Variants in PLAAT3 observed in about 807,000 individuals in gnomAD.
PLAAT3 encodes Ca-independent phospholipase A1/2.
PLAAT3 carries 21 observed loss-of-function variants against 16.7 expected under a neutral mutation model. The observed-to-expected ratio is 1.26, with a 90% confidence interval of 0.89 to 1.81. PLAAT3 has a LOEUF of 1.81. Ranked by LOEUF, PLAAT3 falls within the 40% of genes most tolerant of loss-of-function variation. The probability of loss-of-function intolerance (pLI) is 0.00; values close to 1 mark genes in which losing one functional copy is unlikely to be tolerated. For synonymous variants in PLAAT3, 76 were observed against 81.7 expected, an observed-to-expected ratio of 0.93 and a Z score of 0.38; for missense variants, 219 against 213.7, an observed-to-expected ratio of 1.02 and a Z score of -0.16.
intron 3 of PLAAT3, among the ~76,000 whole-genome samples, chr11:63,594,602 ATC>A (rs1452425884): frequency 2.6e-5 from 4 of 151,968 alleles, no homozygotes; most frequent in African/African-American, 9.7e-5. Flanking sequence ...GCAAAACTCC[ATC>A]TCAAAAAAAA....
chr11:63,614,121 A>G, intron 1 of PLAAT3, 53 bp from the exon 2 acceptor site: 1 of 1,507,900 alleles, frequency 6.6e-7, no homozygotes, highest in Non-Finnish European at 9.2e-7. Context: ...CTGCGTCTCC[A>G]GACCCCACGG....
intron 2 of PLAAT3, among the ~76,000 whole-genome samples, chr11:63,606,520 G>A (rs1254500410): frequency 1.3e-5 from 2 of 151,594 alleles, no homozygotes; most frequent in Non-Finnish European, 2.9e-5. Flanking sequence ...CCAACAGAAA[G>A]AAACAAAAAG....
chr11:63,597,457 C>T (rs775275413), intron 3 of PLAAT3, among the ~76,000 whole-genome samples: 6 of 152,192 alleles, frequency 3.9e-5, no homozygotes, highest in Middle Eastern at 3.4e-3. Flanking sequence ...ACCCAGGAGG[C>T]GGAGCTTGCA....
intron 3 of PLAAT3, 78 bp downstream of exon 3, chr11:63,597,983 C>T: frequency 1.1e-6 from 1 of 943,298 alleles, no homozygotes. Flanking sequence ...GTTGGGGTCA[C>T]CTGTTACCCA....
Position 63,607,925 on chromosome 11 carries a change from G to A in PLAAT3, c.15+6075C>T, listed in dbSNP as rs373230799. On this transcript the variant is annotated intron_variant, in intron 2 of 4. Coordinates refer to ENST00000415826, the MANE Select transcript of PLAAT3 (RefSeq NM_001128203.2). Reference sequence around the variant, plus strand: ...AGGTGGGCCGGGCACAGTGGCTCACGCCTGTAATCCCAGCACTTTGGGAGG... The same window carrying A: ...AGGTGGGCCGGGCACAGTGGCTCACACCTGTAATCCCAGCACTTTGGGAGG... Among the ~76,000 whole-genome samples, 43 of 152,184 alleles carry A rather than the reference G, an allele frequency of 2.8e-4. No homozygotes were observed. In the East Asian group the frequency reaches 6.2e-3, roughly 22 times the overall value.
intron 3 of PLAAT3, 123 bp from the exon 4 acceptor site, chr11:63,590,491 G>A: frequency 2.6e-6 from 2 of 764,396 alleles, no homozygotes; most frequent in Non-Finnish European, 4.3e-6. Flanking sequence ...ACAAGTGGAA[G>A]GGTCAGACGC....
intron 3 of PLAAT3, among the ~76,000 whole-genome samples, chr11:63,597,039 T>A (rs1484165710): frequency 6.7e-6 from 1 of 149,262 alleles, no homozygotes; most frequent in Non-Finnish European, 1.5e-5. Flanking sequence ...GAGTTTCCAG[T>A]GAGCCGAGAT....
chr11:63,588,704 T>C (rs775039447), intron 4 of PLAAT3, among the ~76,000 whole-genome samples: 7 of 152,182 alleles, frequency 4.6e-5, no homozygotes, highest in Non-Finnish European at 1.0e-4. Context: ...TGATCACCTT[T>C]AACATTCATA....
At chr11:63,616,725 C>G (rs948895984), upstream of PLAAT3, 1 of 151,844 alleles carries the variant, frequency 6.6e-6, no homozygotes, top group Admixed American at 6.6e-5. Flanking sequence ...GGCTCACGCC[C>G]GTAATCCCAG....
chr11:63,598,009 T>C (rs1187466910), intron 3 of PLAAT3, 52 bp downstream of exon 3: 1 of 1,233,014 alleles, frequency 8.1e-7, no homozygotes, highest in African/African-American at 1.5e-5. Flanking sequence ...CCCCATCCCC[T>C]CTCTTCCCAG....
At chr11:63,607,234 T>C (rs1938590651) in intron 2 of PLAAT3, among the ~76,000 whole-genome samples, 1 of 152,046 alleles carries the variant, frequency 6.6e-6, no homozygotes, top group Admixed American at 6.6e-5. Context: ...GGGCAGCGGG[T>C]ATCCCAACGA....
At chr11:63,615,280 ATATATGTGTATATATATGTGTG>A (rs1565260055), upstream of PLAAT3, among the ~76,000 whole-genome samples, 2 of 63,074 alleles carry the variant, frequency 3.2e-5, no homozygotes, top group Admixed American at 1.9e-4. Flanking sequence ...ATATATGTGT[ATATATGTGTATATATATGTGTG>A]TATATATGTG....
chr11:63,599,340 T>C (rs891918654), intron 2 of PLAAT3, among the ~76,000 whole-genome samples: 1 of 152,052 alleles, frequency 6.6e-6, no homozygotes. Flanking sequence ...GTCAGATCCA[T>C]AGGGGTTTTC....
intron 2 of PLAAT3, among the ~76,000 whole-genome samples, chr11:63,598,543 T>C (rs988704696): frequency 6.6e-6 from 1 of 152,218 alleles, no homozygotes; most frequent in African/African-American, 2.4e-5. Context: ...ATGAACCCCA[T>C]TTTATGGATG....
At chr11:63,581,376 G>A (rs1937810536) in intron 4 of PLAAT3, among the ~76,000 whole-genome samples, 1 of 152,168 alleles carries the variant, frequency 6.6e-6, no homozygotes. Flanking sequence ...ATGCATTCCT[G>A]GGGGTAGGTC....
At chr11:63,593,074 T>G (rs1214097283) in intron 3 of PLAAT3, among the ~76,000 whole-genome samples, 1 of 152,176 alleles carries the variant, frequency 6.6e-6, no homozygotes, top group Non-Finnish European at 1.5e-5. Context: ...ACCTGCTCAG[T>G]GCAGCCAATC....
In PLAAT3 at chr11:63,610,081, C is replaced by A. The variant is rs528831939; in HGVS notation, c.15+3919G>T. On this transcript the variant is annotated intron_variant, in intron 2 of 4. Transcript: ENST00000415826. ...GAAAAGTAGCACCAGGATTCCGCAG[C>A]AGATCTGCCTGAGCTTAAAGGTGAG... Among the ~76,000 whole-genome samples the A allele has an allele frequency of 2.0e-5, 3 of 152,360 alleles. No individual in the cohort carries two copies. In the East Asian group the frequency reaches 5.8e-4, roughly 29 times the overall value.
intron 4 of PLAAT3, among the ~76,000 whole-genome samples, chr11:63,576,242 C>A (rs900493965): frequency 6.6e-6 from 1 of 152,140 alleles, no homozygotes; most frequent in Non-Finnish European, 1.5e-5. Flanking sequence ...GCCCCTACAC[C>A]CACCCCCACT....
At chr11:63,594,279 G>A (rs560365317) in intron 3 of PLAAT3, among the ~76,000 whole-genome samples, 60 of 152,294 alleles carry the variant, frequency 3.9e-4, no homozygotes, top group African/African-American at 1.3e-3. Context: ...TGTAAATTGA[G>A]GGTTTGGGCT....
Sources: allele counts gnomAD v4.1 joint callset (sites outside exome capture counted in the v4.1 genomes callset), GRCh38; gene constraint gnomAD v4.1.1; transcripts MANE v1.5; gene names NCBI Gene and HGNC (gene_info 2026-07-23, HGNC 2026-07-21).